The following PLCB1 variants were observed in gnomAD, a reference collection of about 807,000 sequenced individuals.
PLCB1 encodes the protein 1-phosphatidylinositol 4,5-bisphosphate phosphodiesterase beta-1.
Under a neutral mutation model 161.8 loss-of-function variants are expected in PLCB1, and 46 were observed. The observed-to-expected ratio is 0.28, with a 90% CI of 0.22 to 0.36. The LOEUF (loss-of-function observed/expected upper bound fraction) is 0.36. Among genes scored for constraint, PLCB1 ranks in the 10% least tolerant of loss-of-function variants. PLCB1 has a pLI of 1.00. For synonymous variants in PLCB1, 517 were observed against 503.7 expected (o/e 1.03, Z -0.35); for missense variants, 1,016 against 1,472.5 (o/e 0.69, Z 5.07).
chr20:8,712,906 T>C (rs1979096891), intron 12 of PLCB1, among the ~76,000 whole-genome samples: 1 of 152,236 alleles, frequency 6.6e-6, no homozygotes, highest in South Asian at 2.1e-4. Context: ...CCATGGTAGC[T>C]GATATTGATG....
At chr20:8,486,493 T>C (rs1982730426) in intron 3 of PLCB1, among the ~76,000 whole-genome samples, 1 of 141,446 alleles carries the variant, frequency 7.1e-6, no homozygotes, top group Non-Finnish European at 1.5e-5. Context: ...TTTTTTTTTT[T>C]TTTTTTTTTT....
intron 2 of PLCB1, among the ~76,000 whole-genome samples, chr20:8,213,343 G>T (rs1297643046): frequency 1.3e-5 from 2 of 152,174 alleles, no homozygotes; most frequent in Non-Finnish European, 1.5e-5. Flanking sequence ...AGTGACCAGG[G>T]TCTTCAGGGA....
intron 3 of PLCB1, among the ~76,000 whole-genome samples, chr20:8,594,676 T>C (rs937235021): frequency 6.6e-6 from 1 of 151,986 alleles, no homozygotes; most frequent in Non-Finnish European, 1.5e-5. Context: ...TAGTATATCT[T>C]TGAGGAAACC....
chr20:8,601,096 T>A (rs1353494414), intron 3 of PLCB1, among the ~76,000 whole-genome samples: 1 of 152,224 alleles, frequency 6.6e-6, no homozygotes, highest in Non-Finnish European at 1.5e-5. Context: ...AGACCGGAGC[T>A]GTTCCTATTC....
intron 2 of PLCB1, among the ~76,000 whole-genome samples, chr20:8,246,014 C>T (rs1241731613): frequency 6.6e-6 from 1 of 151,890 alleles, no homozygotes; most frequent in Non-Finnish European, 1.5e-5. Context: ...TATTACTTCT[C>T]AAATATGATG....
At chr20:8,658,347 C>T (rs2123321922) in intron 8 of PLCB1, among the ~76,000 whole-genome samples, 191 bp from the exon 9 acceptor site, 1 of 152,186 alleles carries the variant, frequency 6.6e-6, no homozygotes, top group East Asian at 1.9e-4. Context: ...AGCAATTGCA[C>T]AAGATATTTG....
chr20:8,398,619 T>C (rs1015180551), intron 3 of PLCB1, among the ~76,000 whole-genome samples: 1 of 152,194 alleles, frequency 6.6e-6, no homozygotes, highest in Non-Finnish European at 1.5e-5. Context: ...TAATCCCATT[T>C]TGAGGGCTCC....
intron 23 of PLCB1, chr20:8,751,080 C>T (rs1364972768): frequency 8.4e-6 from 2 of 238,042 alleles, no homozygotes; most frequent in Non-Finnish European, 1.7e-5. Flanking sequence ...GGACTACAGG[C>T]GCCCACCACC....
At chr20:8,699,431 C>G (rs562911380) in intron 11 of PLCB1, among the ~76,000 whole-genome samples, 6 of 152,244 alleles carry the variant, frequency 3.9e-5, no homozygotes, top group African/African-American at 1.4e-4. Flanking sequence ...ATAAGGGTGG[C>G]TCAGTAGATG....
chr20:8,267,009 T>C (rs1416212269), intron 2 of PLCB1, among the ~76,000 whole-genome samples: 3 of 147,832 alleles, frequency 2.0e-5, no homozygotes, highest in Non-Finnish European at 4.5e-5. Context: ...TGTACTCCAG[T>C]CTGGGCAACG....
intron 2 of PLCB1, among the ~76,000 whole-genome samples, chr20:8,153,835 G>A (rs886211850): frequency 6.6e-6 from 1 of 152,104 alleles, no homozygotes; most frequent in Non-Finnish European, 1.5e-5. Context: ...ATTTGAAAAG[G>A]AATGGGAGGA....
intron 1 of PLCB1, among the ~76,000 whole-genome samples, chr20:8,139,850 C>G (rs1457852962): frequency 6.6e-6 from 1 of 152,168 alleles, no homozygotes; most frequent in Non-Finnish European, 1.5e-5. Context: ...ATCTGGACTT[C>G]TAAAGCTACA....
chr20:8,624,652 T>C (rs1354422785), intron 3 of PLCB1, among the ~76,000 whole-genome samples: 1 of 152,174 alleles, frequency 6.6e-6, no homozygotes, highest in East Asian at 1.9e-4. Context: ...GTCTTTACTT[T>C]CTTCAGTGGC....
intron 1 of PLCB1, among the ~76,000 whole-genome samples, 194 bp from the exon 2 acceptor site, chr20:8,150,100 A>G (rs2051494837): frequency 6.6e-6 from 1 of 152,086 alleles, no homozygotes; most frequent in Admixed American, 6.5e-5. Flanking sequence ...TCTTCTGATT[A>G]TTAGGAAAGA....
At chr20:8,340,571 C>T (rs900575593) in intron 2 of PLCB1, among the ~76,000 whole-genome samples, 34 of 152,074 alleles carry the variant, frequency 2.2e-4, no homozygotes, top group African/African-American at 6.7e-4. Flanking sequence ...TACAGGCGCC[C>T]GCCACCACGC....
chr20:8,647,640 A>T (rs911760013), intron 5 of PLCB1, among the ~76,000 whole-genome samples: 2 of 152,208 alleles, frequency 1.3e-5, no homozygotes, highest in African/African-American at 4.8e-5. Flanking sequence ...AAGGTGCAAA[A>T]ACAGGCAAAA....
At chr20:8,443,154 G>A (rs996564444) in intron 3 of PLCB1, among the ~76,000 whole-genome samples, 5 of 151,910 alleles carry the variant, frequency 3.3e-5, no homozygotes, top group Non-Finnish European at 7.4e-5. Context: ...TAATATTTTT[G>A]TATTTTTAGT....
chr20:8,216,413 A>G (rs1055874155), intron 2 of PLCB1, among the ~76,000 whole-genome samples: 12 of 152,152 alleles, frequency 7.9e-5, no homozygotes, highest in African/African-American at 2.4e-4. Context: ...ATCTGAAACC[A>G]TGCTGGAATT....
At position 8,721,597 on chromosome 20, in the gene PLCB1, G is replaced by A. The variant is rs1386071177; in HGVS notation, c.1514-757G>A. On this transcript the variant is annotated intron_variant, in intron 14 of 31. Transcript: ENST00000338037. ...ATGAAGCTGAATTATTTCTGATGGA[G>A]TTAGATTTCCAATCATGCTGATATT... 2.6e-5 allele frequency among the ~76,000 whole-genome samples: 4 copies of A among 152,144 alleles called. No homozygotes were observed. The East Asian group carries it at 7.7e-4, about 29-fold the overall frequency.
Sources: allele counts gnomAD v4.1 joint callset (sites outside exome capture counted in the v4.1 genomes callset), GRCh38; gene constraint gnomAD v4.1.1; transcripts MANE v1.5; gene names NCBI Gene and HGNC (gene_info 2026-07-23, HGNC 2026-07-21).